Variants in CNOT9 observed in about 807,000 individuals in gnomAD.
The protein encoded by CNOT9 is RCD1 required for cell differentiation1 homolog.
Under a neutral mutation model 37.4 loss-of-function variants are expected in CNOT9, and 8 were observed. The observed-to-expected ratio is 0.21, with a 90% CI of 0.13 to 0.39. The LOEUF (loss-of-function observed/expected upper bound fraction) is 0.39, where lower values mean the gene tolerates loss of function less well. Among genes scored for constraint, CNOT9 ranks in the 10% least tolerant of loss-of-function variants. The probability of loss-of-function intolerance (pLI) is 1.00; values close to 1 mark genes in which losing one functional copy is unlikely to be tolerated. For missense variants in CNOT9, 154 were observed against 365.3 expected, an observed-to-expected ratio of 0.42 and a Z score of 4.71; for synonymous variants, 120 against 137.6, an observed-to-expected ratio of 0.87 and a Z score of 0.90.
At chr2:218,582,734 C>CA (rs1002703899) in intron 2 of CNOT9, among the ~76,000 whole-genome samples, 124 of 145,110 alleles carry the variant, frequency 8.5e-4, no homozygotes, top group African/African-American at 2.0e-3. Context: ...ATGTGAGTCT[C>CA]AAAAAAAAAA....
At chr2:218,581,932 A>G (rs1694399042) in intron 2 of CNOT9, among the ~76,000 whole-genome samples, 1 of 151,836 alleles carries the variant, frequency 6.6e-6, no homozygotes, top group South Asian at 2.1e-4. Context: ...AAATACAAAA[A>G]TTAGCCAGGC....
At position 218,592,669 on chromosome 2, in the gene CNOT9, T is replaced by G; in HGVS notation, c.693T>G (p.His231Gln). 6.2e-7 allele frequency: 1 copy of G among 1,614,164 alleles called. No homozygotes were observed. The highest frequency in any genetic ancestry group is 8.5e-7 in the Non-Finnish European group (1 of 1,180,004). ...AGCCTTCTGCCCGTCTGCTGAAGCA[T>G]GTAGTGAGATGTTACCTTCGACTTT... ...SKEPSARLLK[H>Q]VVRCYLRLSD... The change falls in exon 7 of 8, where the codon CAT (histidine) becomes CAG (glutamine). Residue 231 changes from histidine to glutamine, a missense_variant. Physicochemically the swap from His to Gln is conservative, Grantham distance 24. Coordinates refer to ENST00000273064, the MANE Select transcript of CNOT9 (RefSeq NM_005444.3). The surrounding 1 kb of genome is among the most constrained non-coding windows in gnomAD (Gnocchi z 4.1).
intron 1 of CNOT9, 49 bp from the exon 2 acceptor site, chr2:218,580,512 T>G (rs1419643120): frequency 6.7e-7 from 1 of 1,495,896 alleles, no homozygotes; most frequent in East Asian, 2.3e-5. Flanking sequence ...GGGTAAGACT[T>G]GGTTTGACTC....
chr2:218,580,757 G>T lies in CNOT9; in HGVS notation c.204+17G>T. On this transcript the variant is annotated intron_variant, in intron 2 of 7. Coordinates refer to ENST00000273064, the MANE Select transcript of CNOT9 (RefSeq NM_005444.3). ...CTTTTACAGGTGGGTTCATGTCCAT[G>T]ATTGGCAGTTCAGTTCTTTTCATTA... The T allele has an allele frequency of 6.2e-7, 1 of 1,606,864 alleles. No homozygotes were observed. The highest frequency in any genetic ancestry group is 1.1e-5 in the South Asian group (1 of 90,276).
At chr2:218,574,054 C>T (rs1174125535) in intron 1 of CNOT9, 4 of 430,476 alleles carry the variant, frequency 9.3e-6, no homozygotes, top group African/African-American at 4.1e-5. Flanking sequence ...ACCGCAACCT[C>T]GACCTTCTGG....
rs771599509 is a variant in CNOT9 at position 218,587,715 on chromosome 2, A to T, written c.540+20A>T. The T allele has an allele frequency of 3.5e-6, 5 of 1,409,846 alleles. No homozygotes were observed. The South Asian group carries it at 6.5e-5, about 18-fold the overall frequency. 87.3% of individuals were successfully genotyped at this position (1,409,846 alleles called of 1,614,324 possible). A position where few individuals can be genotyped will look rare whatever the true frequency, so the allele number is the denominator to read the frequency against. On this transcript the variant is annotated intron_variant, in intron 5 of 7. Transcript: ENST00000273064. ...AAAACAGTATGTACTTTTAACTTAG[A>T]TTTTACATTGTGTTGACTCTTAAGC... is the stretch of plus-strand genomic sequence containing the variant.
chr2:218,578,124 T>C (rs1465531706), intron 1 of CNOT9, among the ~76,000 whole-genome samples: 1 of 152,244 alleles, frequency 6.6e-6, no homozygotes, highest in Non-Finnish European at 1.5e-5. Context: ...GGAAAAAAGC[T>C]ACCATATTCC....
At position 218,592,965 on chromosome 2, in the gene CNOT9, T is replaced by G; in HGVS notation, c.731+258T>G. ...CTAGGCGATTCCAAAGGAAACCTTA[T>G]GATGCATTACTCCTGTTGTTTGAAT... On this transcript the variant is annotated intron_variant, in intron 7 of 7. Transcript: ENST00000273064. This position sits in a 1 kb window ranked among gnomAD's most constrained non-coding sequence, Gnocchi z 4.1. 1 of 480,862 alleles carries G rather than the reference T, an allele frequency of 2.1e-6. No individual in the cohort carries two copies. Among genetic ancestry groups the G allele is most frequent in the Non-Finnish European group, 3.7e-6 (1 of 269,284 alleles). The allele number at this position is 480,862 out of a possible 1,614,324, so 29.8% of individuals were successfully genotyped here.
At chr2:218,572,069 C>G (rs913276865) in intron 1 of CNOT9, among the ~76,000 whole-genome samples, 26 of 151,770 alleles carry the variant, frequency 1.7e-4, no homozygotes, top group African/African-American at 6.1e-4. Context: ...GCCTGTAATC[C>G]CAGCACTTTG....
At chr2:218,577,501 A>C (rs1336176899) in intron 1 of CNOT9, among the ~76,000 whole-genome samples, 1 of 152,106 alleles carries the variant, frequency 6.6e-6, no homozygotes, top group Non-Finnish European at 1.5e-5. Context: ...CCCACAAATA[A>C]TCTCACAAAT....
chr2:218,580,359 T>C (rs1328266984), intron 1 of CNOT9, among the ~76,000 whole-genome samples: 1 of 152,166 alleles, frequency 6.6e-6, no homozygotes, highest in East Asian at 1.9e-4. Flanking sequence ...TTCCTAAACA[T>C]GGAATTATCA....
At chr2:218,580,872 T>C in intron 2 of CNOT9, 132 bp downstream of exon 2, 1 of 839,714 alleles carries the variant, frequency 1.2e-6, no homozygotes. Flanking sequence ...GAATCTGTTT[T>C]AGAAAGGTCT....
chr2:218,593,721 A>G, intron 7 of CNOT9: 2 of 1,234,334 alleles, frequency 1.6e-6, no homozygotes, highest in East Asian at 2.7e-5. Flanking sequence ...TCATTAAGTT[A>G]TCATAAGTTT....
At chr2:218,591,073 T>G (rs944165093) in intron 5 of CNOT9, among the ~76,000 whole-genome samples, 6 of 152,148 alleles carry the variant, frequency 3.9e-5, no homozygotes, top group African/African-American at 1.4e-4. Context: ...CATCTCAAGA[T>G]CCTTAACTTA....
chr2:218,578,853 T>C (rs1694266345), intron 1 of CNOT9, among the ~76,000 whole-genome samples: 1 of 152,222 alleles, frequency 6.6e-6, no homozygotes, highest in South Asian at 2.1e-4. Context: ...ACATATTTGA[T>C]GACTATAGAG....
chr2:218,571,250 C>T (rs987791447), intron 1 of CNOT9, among the ~76,000 whole-genome samples: 1 of 152,142 alleles, frequency 6.6e-6, no homozygotes, highest in Admixed American at 6.5e-5. Flanking sequence ...AGGGAGATAA[C>T]AAAGTACTGC....
intron 4 of CNOT9, among the ~76,000 whole-genome samples, chr2:218,585,027 T>C (rs1357760717): frequency 6.6e-6 from 1 of 152,150 alleles, no homozygotes; most frequent in Non-Finnish European, 1.5e-5. Flanking sequence ...AGAGTATTAT[T>C]AAAGGAATAA....
chr2:218,585,574 C>CAAAA (rs35720728), intron 4 of CNOT9, among the ~76,000 whole-genome samples: 2 of 141,116 alleles, frequency 1.4e-5, no homozygotes, highest in Admixed American at 7.1e-5. Context: ...GAGGGAGACT[C>CAAAA]AAAAAAAAAA....
At chr2:218,571,666 G>T (rs1457195275) in intron 1 of CNOT9, among the ~76,000 whole-genome samples, 2 of 151,342 alleles carry the variant, frequency 1.3e-5, no homozygotes, top group Admixed American at 1.3e-4. Flanking sequence ...CCGCCTCCTG[G>T]GTTCAAGCAA....
Sources: gnomAD v4.1 joint callset for allele counts (sites outside exome capture counted in the v4.1 genomes callset) on GRCh38, gnomAD v4.1.1 for gene constraint, Gnocchi (gnomAD v3.1) non-coding constraint, MANE v1.5 for transcripts, NCBI Gene and HGNC (gene_info 2026-07-23, HGNC 2026-07-21) for gene names.